ST3GAL5: variants seen among roughly 807,000 people sequenced by gnomAD.
ST3GAL5 encodes lactosylceramide alpha-2,3-sialyltransferase.
A neutral mutation model predicts 46.1 loss-of-function variants in ST3GAL5; 25 were observed. The observed-to-expected ratio is 0.54, with a 90% CI of 0.40 to 0.76. ST3GAL5 has a LOEUF of 0.76. Among genes scored for constraint, ST3GAL5 ranks in the 30% least tolerant of loss-of-function variants. The pLI is 0.00. For missense variants in ST3GAL5, 431 were observed against 521.2 expected (o/e 0.83, Z 1.69); for synonymous variants, 182 against 192.7 (o/e 0.94, Z 0.46).
rs1464211986 is a variant in ST3GAL5 at position 85,847,956 on chromosome 2, G to A, written c.567C>T (p.Ala189=). The A allele has an allele frequency of 6.2e-7, 1 of 1,614,208 alleles. No homozygotes were observed. The highest frequency in any genetic ancestry group is 1.7e-5 in the Admixed American group (1 of 60,016). The part of the protein sequence containing the change: ...PEHDLPEHLK[A]KTCRRCVVIG... The stretch of plus-strand genomic sequence containing the variant: ...TAACCACACAGCGCCGACAGGTCTT[G>A]GCTTTCAAGTGTTCAGGGAGGTCGT... The change falls in exon 4 of 7, where the codon GCC becomes GCT. Residue 189 remains alanine, a synonymous_variant. Transcript: ENST00000638572.
intron 3 of ST3GAL5, chr2:85,849,475 C>A (rs1284184228): frequency 6.6e-6 from 1 of 151,546 alleles, no homozygotes; most frequent in Non-Finnish European, 1.5e-5. Context: ...TAGCCGGGCA[C>A]GTGGTGGTGG....
At chr2:85,853,313 A>G (rs1683745010) in intron 3 of ST3GAL5, 1 of 334,968 alleles carries the variant, frequency 3.0e-6, no homozygotes, top group African/African-American at 2.1e-5. Context: ...TAGAAAATAC[A>G]AAACCCACAA....
At chr2:85,853,007 A>C in intron 3 of ST3GAL5, 1 of 1,303,518 alleles carries the variant, frequency 7.7e-7, no homozygotes, top group Non-Finnish European at 1.0e-6. Flanking sequence ...AGGTCTGCAG[A>C]GTCCGAGAGA....
chr2:85,875,795 T>C (rs1686481613), intron 1 of ST3GAL5, among the ~76,000 whole-genome samples: 1 of 152,102 alleles, frequency 6.6e-6, no homozygotes, highest in Non-Finnish European at 1.5e-5. Context: ...GCCCCAGCAC[T>C]GTTCTTCTTT....
chr2:85,852,247 G>C (rs1398356973), intron 3 of ST3GAL5, among the ~76,000 whole-genome samples: 6 of 152,196 alleles, frequency 3.9e-5, no homozygotes, highest in African/African-American at 1.4e-4. Context: ...ATGTGGGAAG[G>C]AGCTCAATTC....
At chr2:85,851,410 T>C (rs969936603) in intron 3 of ST3GAL5, 69 of 1,197,500 alleles carry the variant, frequency 5.8e-5, no homozygotes, top group Non-Finnish European at 7.2e-5. Context: ...TCTCCACTGA[T>C]TGCCTGGAGA....
chr2:85,866,688 C>T (rs975757216), intron 1 of ST3GAL5, among the ~76,000 whole-genome samples: 3 of 152,226 alleles, frequency 2.0e-5, no homozygotes, highest in South Asian at 2.1e-4. Context: ...CATTTTTCAC[C>T]ACCACATCCA....
chr2:85,875,844 T>C (rs1016122426), intron 1 of ST3GAL5, among the ~76,000 whole-genome samples: 5 of 152,110 alleles, frequency 3.3e-5, no homozygotes, highest in African/African-American at 1.2e-4. Context: ...GGAACTCCTC[T>C]TTGCGAATTC....
intron 1 of ST3GAL5, among the ~76,000 whole-genome samples, chr2:85,878,229 CTG>C (rs1369468367): frequency 1.3e-5 from 2 of 152,200 alleles, no homozygotes; most frequent in Non-Finnish European, 2.9e-5. Context: ...TTTAAAAACC[CTG>C]TTAGGACACA....
chr2:85,840,474 CAG>C (rs1332207755), intron 6 of ST3GAL5, 82 bp from the exon 7 acceptor site: 32 of 1,494,994 alleles, frequency 2.1e-5, no homozygotes, highest in Non-Finnish European at 2.9e-5. Context: ...ACATGCTACG[CAG>C]AGTCATGAAA....
At chr2:85,876,538 C>T (rs533031633) in intron 1 of ST3GAL5, among the ~76,000 whole-genome samples, 2 of 150,796 alleles carry the variant, frequency 1.3e-5, no homozygotes, top group African/African-American at 2.4e-5. Flanking sequence ...ATCTCGGCGC[C>T]GCAACCTCCG....
chr2:85,847,846 A>G lies in ST3GAL5; in HGVS notation c.662+15T>C, dbSNP rs759365492. The G allele has an allele frequency of 6.2e-7, 1 of 1,612,912 alleles. No individual in the cohort carries two copies. Among genetic ancestry groups the G allele is most frequent in the African/African-American group, 1.3e-5 (1 of 74,838 alleles). On this transcript the variant is annotated intron_variant, in intron 4 of 6. Coordinates refer to ENST00000638572, the MANE Select transcript of ST3GAL5 (RefSeq NM_003896.4). Reference sequence around the variant, plus strand: ...TAAAAATAAGTAAACAAACAAACAAAAAAAACCAATGTACCTTATCACAAC... The same window carrying G: ...TAAAAATAAGTAAACAAACAAACAAGAAAAACCAATGTACCTTATCACAAC...
intron 5 of ST3GAL5, chr2:85,845,130 C>T (rs1021584732): frequency 3.2e-5 from 6 of 190,338 alleles, no homozygotes; most frequent in Non-Finnish European, 6.7e-5. Flanking sequence ...GTGCATATGT[C>T]TATACATGTG....
In ST3GAL5 at chr2:85,838,861, G is replaced by A. The variant is rs1319737225; in HGVS notation, c.*1283C>T. On this transcript the variant is annotated 3_prime_UTR_variant, in exon 7 of 7. Coordinates refer to ENST00000638572, the MANE Select transcript of ST3GAL5 (RefSeq NM_003896.4). ...AGCGATGGCGGCAGCCGAGTCTGGG[G>A]CAGGCTGGGAACAGAGTAGCAGATC... The A allele has an allele frequency of 1.3e-5, 2 of 152,402 alleles. No individual in the cohort carries two copies. The highest frequency in any genetic ancestry group is 3.9e-4 in the East Asian group (2 of 5,194). 9.4% of individuals were successfully genotyped at this position (152,402 alleles called of 1,614,324 possible).
chr2:85,872,025 T>C (rs1371225762), intron 1 of ST3GAL5, among the ~76,000 whole-genome samples: 1 of 152,104 alleles, frequency 6.6e-6, no homozygotes, highest in Non-Finnish European at 1.5e-5. Flanking sequence ...GAGACAAGCC[T>C]AGTCTGCTGC....
chr2:85,844,649 T>C (rs1682554567), intron 5 of ST3GAL5, 95 bp from the exon 6 acceptor site: 11 of 1,544,994 alleles, frequency 7.1e-6, no homozygotes, highest in Non-Finnish European at 9.7e-6. Flanking sequence ...TGTGACCCCA[T>C]GTGGCCCTGT....
At chr2:85,883,241 TG>T (rs1337654027) in intron 1 of ST3GAL5, among the ~76,000 whole-genome samples, 1 of 152,138 alleles carries the variant, frequency 6.6e-6, no homozygotes, top group Non-Finnish European at 1.5e-5. Flanking sequence ...AATTGAATCA[TG>T]GGGGCCGGTC....
chr2:85,840,168 A>G lies in ST3GAL5; in HGVS notation c.1233T>C (p.Ser411=), dbSNP rs776558887. ...LVKEGVVKDL[S]GGIDREF ...TTCAAAATTCACGATCAATGCCTCC[A>G]CTGAGATCTTTCACCACTCCCTCTT... Residue 411 remains serine, a synonymous_variant, in exon 7 of 7, where the codon AGT becomes AGC. Transcript: ENST00000638572. 8.7e-6 allele frequency: 14 copies of G among 1,614,236 alleles called. No homozygotes were observed. The highest frequency in any genetic ancestry group is 1.1e-5 in the Non-Finnish European group (13 of 1,180,032).
At chr2:85,846,656 C>T (rs530987034) in intron 4 of ST3GAL5, 93 bp from the exon 5 acceptor site, 3 of 1,210,412 alleles carry the variant, frequency 2.5e-6, no homozygotes, top group African/African-American at 3.0e-5. Context: ...TCCTCCACGT[C>T]TTCTTATGAC....
Sources: gnomAD v4.1 joint callset for allele counts (sites outside exome capture counted in the v4.1 genomes callset) on GRCh38, gnomAD v4.1.1 for gene constraint, MANE v1.5 for transcripts, NCBI Gene and HGNC (gene_info 2026-07-23, HGNC 2026-07-21) for gene names.